Variants in ALKBH5 observed in about 807,000 individuals in gnomAD.
ALKBH5 encodes the protein RNA demethylase ALKBH5.
In ALKBH5, 2 loss-of-function variants were observed where a neutral mutation model predicts 32.1. The observed-to-expected ratio is 0.06, with a 90% CI of 0.03 to 0.20. The LOEUF (loss-of-function observed/expected upper bound fraction) is 0.20. ALKBH5 is among the 10% of genes least tolerant of loss of function. The pLI, the probability that ALKBH5 is intolerant of heterozygous loss-of-function variation, is 1.00. For missense variants in ALKBH5, 352 were observed against 559.5 expected, an observed-to-expected ratio of 0.63 and a Z score of 3.74; for synonymous variants, 300 against 231.7, an observed-to-expected ratio of 1.29 and a Z score of -2.68.
At chr17:18,186,074 C>G (rs531392618) in intron 1 of ALKBH5, among the ~76,000 whole-genome samples, 1 of 152,164 alleles carries the variant, frequency 6.6e-6, no homozygotes, top group South Asian at 2.1e-4. Flanking sequence ...CTGGAGCCTT[C>G]TTGATATGAG....
At chr17:18,187,061 C>G (rs780455702) in intron 1 of ALKBH5, among the ~76,000 whole-genome samples, 6 of 152,074 alleles carry the variant, frequency 3.9e-5, no homozygotes, top group Non-Finnish European at 7.4e-5. Flanking sequence ...TTTGGTGGAG[C>G]CTGAAACATG....
At position 18,206,682 on chromosome 17, in the gene ALKBH5, T is replaced by TG. The variant is rs1168372583; in HGVS notation, c.852-132dup. 1.9e-5 allele frequency: 17 copies of TG among 915,140 alleles called. No homozygotes were observed. In the Admixed American group the frequency reaches 3.4e-4, roughly 19 times the overall value. 56.7% of individuals were successfully genotyped at this position (915,140 alleles called of 1,614,324 possible). A position where few individuals can be genotyped will look rare whatever the true frequency, so the allele number is the denominator to read the frequency against. The stretch of plus-strand genomic sequence containing the variant: ...ATCTCTAGTTGAACCTCAAGGAGAG[T>TG]GAGGTACAGAGCAGAGACTGCTGGC... On this transcript the variant is annotated intron_variant, in intron 2 of 3. Coordinates refer to ENST00000399138, the MANE Select transcript of ALKBH5 (RefSeq NM_017758.4).
chr17:18,205,051 C>CT (rs943999065), intron 2 of ALKBH5, among the ~76,000 whole-genome samples: 1 of 150,642 alleles, frequency 6.6e-6, no homozygotes, highest in Non-Finnish European at 1.5e-5. Flanking sequence ...CACGATCTCT[C>CT]TTTAAAAAAA....
rs1047788421 is a variant in ALKBH5 at position 18,209,330 on chromosome 17, C to T, written c.*934C>T. On this transcript the variant is annotated 3_prime_UTR_variant, in exon 4 of 4. Transcript: ENST00000399138. The stretch of plus-strand genomic sequence containing the variant: ...TGAGTTTTTTTTCCCCCTTTAGTCT[C>T]CTGGCTTTTTCCTTTCCCTTCCCTT... 6.6e-6 allele frequency: 1 copy of T among 152,626 alleles called. No individual in the cohort carries two copies. Among genetic ancestry groups the T allele is most frequent in the African/African-American group, 2.4e-5 (1 of 41,488 alleles). The allele number at this position is 152,626 out of a possible 1,614,324, so 9.5% of individuals were successfully genotyped here. A position where few individuals can be genotyped will look rare whatever the true frequency, so the allele number is the denominator to read the frequency against.
At chr17:18,190,550 GAAAA>G (rs11316080) in intron 1 of ALKBH5, among the ~76,000 whole-genome samples, 13 of 121,896 alleles carry the variant, frequency 1.1e-4, no homozygotes, top group African/African-American at 2.6e-4. Context: ...CTCTGTTTCC[GAAAA>G]AAAAAAAAAA....
At chr17:18,196,098 TC>T (rs922155445) in intron 2 of ALKBH5, among the ~76,000 whole-genome samples, 1 of 152,228 alleles carries the variant, frequency 6.6e-6, no homozygotes, top group African/African-American at 2.4e-5. Flanking sequence ...CTTAGGTTTT[TC>T]CTAATGTCCT....
intron 2 of ALKBH5, among the ~76,000 whole-genome samples, chr17:18,199,311 T>C (rs931371533): frequency 6.6e-6 from 1 of 152,222 alleles, no homozygotes; most frequent in African/African-American, 2.4e-5. Context: ...AAGGGGAGGC[T>C]GGACCTAACC....
At chr17:18,205,170 A>G (rs1437251388) in intron 2 of ALKBH5, among the ~76,000 whole-genome samples, 1 of 152,246 alleles carries the variant, frequency 6.6e-6, no homozygotes, top group African/African-American at 2.4e-5. Context: ...TCGATTCCTT[A>G]GACCCTCAGC....
At chr17:18,188,269 A>T (rs1295278332) in intron 1 of ALKBH5, among the ~76,000 whole-genome samples, 1 of 152,240 alleles carries the variant, frequency 6.6e-6, no homozygotes, top group Non-Finnish European at 1.5e-5. Context: ...CTAATTGCTT[A>T]CTTGCTGCTA....
intron 1 of ALKBH5, among the ~76,000 whole-genome samples, chr17:18,189,331 G>A (rs1212435652): frequency 2.6e-5 from 4 of 152,156 alleles, no homozygotes; most frequent in Non-Finnish European, 5.9e-5. Flanking sequence ...GCAGTGAACC[G>A]AGATCATGCC....
At position 18,206,841 on chromosome 17, in the gene ALKBH5, A is replaced by G; in HGVS notation, c.878A>G (p.Glu293Gly). ...ACAAGATTAGATGCACCCCGGTTGG[A>G]AACAAAGTCCCTGAGCAGCTCCGTG... The part of the protein sequence containing the change: ...RKTRLDAPRL[E>G]TKSLSSSVLP... The change falls in exon 3 of 4, where the codon GAA (glutamate) becomes GGA (glycine). Residue 293 changes from glutamate (E) to glycine (G), a missense_variant. Glu to Gly is a moderately conservative substitution (Grantham distance 98). Around this residue, in one of 4 missense-constraint regions of ALKBH5, gnomAD observed 124 missense variants for 142.4 expected, o/e 0.87. Coordinates refer to ENST00000399138, the MANE Select transcript of ALKBH5 (RefSeq NM_017758.4). 6.2e-7 allele frequency: 1 copy of G among 1,614,164 alleles called. No individual in the cohort carries two copies. Among genetic ancestry groups the G allele is most frequent in the Non-Finnish European group, 8.5e-7 (1 of 1,180,010 alleles).
chr17:18,196,518 G>C (rs753547133), intron 2 of ALKBH5, among the ~76,000 whole-genome samples: 1 of 152,156 alleles, frequency 6.6e-6, no homozygotes. Context: ...ACCATGCCCA[G>C]CCTGCCTTAT....
intron 3 of ALKBH5, among the ~76,000 whole-genome samples, chr17:18,207,245 A>G (rs16960996): frequency 0.21 from 32,103 of 152,168 alleles, 3,703 homozygotes; most frequent in Middle Eastern, 0.31. Context: ...TCACCCAGAC[A>G]CCCTTGTGGA....
intron 1 of ALKBH5, among the ~76,000 whole-genome samples, chr17:18,193,352 C>G (rs2047188631): frequency 1.3e-5 from 2 of 152,048 alleles, no homozygotes; most frequent in South Asian, 4.1e-4. Flanking sequence ...TCAAGACCAT[C>G]CTGACCAACA....
intron 1 of ALKBH5, among the ~76,000 whole-genome samples, chr17:18,191,001 C>T (rs941724527): frequency 4.6e-5 from 7 of 152,290 alleles, no homozygotes; most frequent in Non-Finnish European, 8.8e-5. Flanking sequence ...AGCCAGATGG[C>T]ATAAGGTTAT....
chr17:18,206,724 CT>C (rs975116659), intron 2 of ALKBH5, 90 bp from the exon 3 acceptor site: 3 of 1,441,066 alleles, frequency 2.1e-6, no homozygotes, highest in Non-Finnish European at 2.9e-6. Context: ...GTCTAGCTGG[CT>C]CCCACTTGGC....
chr17:18,190,664 G>A (rs540352087), intron 1 of ALKBH5, among the ~76,000 whole-genome samples: 2 of 152,306 alleles, frequency 1.3e-5, no homozygotes, highest in South Asian at 4.1e-4. Flanking sequence ...GTTCTAAGTG[G>A]TAGAATAGTT....
rs1368571093 is a variant in ALKBH5 at position 18,184,209 on chromosome 17, G to A, written c.-35G>A. 6.8e-7 allele frequency: 1 copy of A among 1,462,886 alleles called. No homozygotes were observed. Among genetic ancestry groups the A allele is most frequent in the East Asian group, 2.7e-5 (1 of 36,974 alleles). The allele number at this position is 1,462,886 out of a possible 1,614,324, so 90.6% of individuals were successfully genotyped here. ...AGAGCCATGCCCGGCTGCCCCGCCC[G>A]CCCCGGAGGACCCTAGAGCAGCGTC... On this transcript the variant is annotated 5_prime_UTR_variant, in exon 1 of 4. Transcript: ENST00000399138.
intron 2 of ALKBH5, among the ~76,000 whole-genome samples, chr17:18,206,402 T>A (rs959011270): frequency 6.6e-6 from 1 of 152,160 alleles, no homozygotes; most frequent in South Asian, 2.1e-4. Flanking sequence ...TCTACAGGCC[T>A]GGACCAGGGA....
Sources: allele counts gnomAD v4.1 joint callset (sites outside exome capture counted in the v4.1 genomes callset), GRCh38; gene constraint gnomAD v4.1.1; regional missense constraint gnomAD v4.1.1; transcripts MANE v1.5; gene names NCBI Gene and HGNC (gene_info 2026-07-23, HGNC 2026-07-21).